The following RGS22 variants were observed in gnomAD, a reference collection of about 807,000 sequenced individuals.
RGS22 encodes regulator of G-protein signaling 22.
A neutral mutation model predicts 172.9 loss-of-function variants in RGS22; 148 were observed. That is an observed-to-expected ratio of 0.86 (90% CI 0.75 to 0.98). RGS22 has a LOEUF of 0.98. Among genes scored for constraint, RGS22 ranks in the 50% least tolerant of loss-of-function variants. The pLI is 0.00. For synonymous variants in RGS22, 458 were observed against 480.2 expected (o/e 0.95, Z 0.60); for missense variants, 1,347 against 1,440.8 (o/e 0.93, Z 1.05).
In RGS22 at chr8:100,052,837, G is replaced by A. The variant is rs2131703447; in HGVS notation, c.1654C>T (p.Pro552Ser). Reference sequence around the variant, plus strand: ...GGTATCTGTGGAATGCAAGATTTGGGTCTTAATGGCAAGAGGGTTGCCATT... The same window carrying A: ...GGTATCTGTGGAATGCAAGATTTGGATCTTAATGGCAAGAGGGTTGCCATT... ...PQMATLLPLRPKSCIPQIPEI... is the reference protein window; with the variant it reads ...PQMATLLPLRSKSCIPQIPEI... Residue 552 changes from proline to serine, a missense_variant, in exon 10 of 28, where the codon CCC (proline) becomes TCC (serine). Pro to Ser is a moderately conservative substitution (Grantham distance 74). Coordinates refer to ENST00000360863, the MANE Select transcript of RGS22 (RefSeq NM_015668.5). The A allele has an allele frequency of 6.2e-7, 1 of 1,614,096 alleles. No individual in the cohort carries two copies. Among genetic ancestry groups the A allele is most frequent in the East Asian group, 2.2e-5 (1 of 44,874 alleles).
At chr8:100,057,351 G>C (rs1011318530) in intron 9 of RGS22, among the ~76,000 whole-genome samples, 6 of 152,192 alleles carry the variant, frequency 3.9e-5, no homozygotes, top group Non-Finnish European at 7.4e-5. Flanking sequence ...AATGAGTTAA[G>C]ACTTTGGGGA....
intron 10 of RGS22, among the ~76,000 whole-genome samples, chr8:100,047,815 G>A (rs1325099823): frequency 1.3e-5 from 2 of 152,140 alleles, no homozygotes; most frequent in African/African-American, 4.8e-5. Context: ...AAAAAAGGAA[G>A]AGCAAAAGGC....
intron 14 of RGS22, among the ~76,000 whole-genome samples, chr8:100,037,005 T>C (rs1309481083): frequency 6.6e-6 from 1 of 152,198 alleles, no homozygotes; most frequent in Non-Finnish European, 1.5e-5. Flanking sequence ...ATATCTATTA[T>C]AAAGAAACGA....
intron 2 of RGS22, among the ~76,000 whole-genome samples, chr8:100,104,469 G>A (rs1316638069): frequency 6.6e-6 from 1 of 151,968 alleles, no homozygotes; most frequent in Non-Finnish European, 1.5e-5. Context: ...GTGTGTATGT[G>A]TGTATGTGTA....
At chr8:100,009,605 C>A (rs964632787) in intron 14 of RGS22, among the ~76,000 whole-genome samples, 1 of 151,688 alleles carries the variant, frequency 6.6e-6, no homozygotes, top group Non-Finnish European at 1.5e-5. Context: ...TATGTCATGC[C>A]CTGACATTTT....
chr8:100,009,939 A>G (rs537775088), intron 14 of RGS22, among the ~76,000 whole-genome samples: 28 of 152,336 alleles, frequency 1.8e-4, no homozygotes, highest in African/African-American at 6.7e-4. Context: ...ATGGAGATGA[A>G]TATCAATGGT....
At position 100,096,557 on chromosome 8, in the gene RGS22, A is replaced by T. The variant is rs575552767; in HGVS notation, c.55-3048T>A. Among the ~76,000 whole-genome samples, 11 of 150,746 alleles carry T rather than the reference A, an allele frequency of 7.3e-5. No homozygotes were observed. The East Asian group carries it at 1.6e-3, about 21-fold the overall frequency. On this transcript the variant is annotated intron_variant, in intron 2 of 27. Transcript: ENST00000360863. ...GTGCTTGCTAATTATGGTAGGTAAAATTTTTTGCTTAAACTTATTTTGCTG... is the reference window on the plus strand; with the variant it reads ...GTGCTTGCTAATTATGGTAGGTAAATTTTTTTGCTTAAACTTATTTTGCTG...
chr8:99,977,765 A>G (rs1468589868), intron 23 of RGS22, 152 bp downstream of exon 23: 1 of 586,764 alleles, frequency 1.7e-6, no homozygotes, highest in East Asian at 3.6e-5. Flanking sequence ...GAATTCCAAA[A>G]GTCTGAAGCT....
At chr8:99,974,568 G>A (rs1179232766) in intron 23 of RGS22, among the ~76,000 whole-genome samples, 1 of 152,140 alleles carries the variant, frequency 6.6e-6, no homozygotes, top group East Asian at 1.9e-4. Flanking sequence ...GGGAGGCCAA[G>A]GTGGGTGGAT....
At chr8:100,084,133 G>A (rs905249740) in intron 3 of RGS22, among the ~76,000 whole-genome samples, 1 of 152,050 alleles carries the variant, frequency 6.6e-6, no homozygotes, top group African/African-American at 2.4e-5. Context: ...CACCACGCCC[G>A]GCCACATAAT....
At chr8:100,097,772 C>T (rs1294741671) in intron 2 of RGS22, among the ~76,000 whole-genome samples, 3 of 152,328 alleles carry the variant, frequency 2.0e-5, no homozygotes, top group African/African-American at 2.4e-5. Flanking sequence ...GGACTGACCT[C>T]GGTTCACCGT....
chr8:100,024,142 T>G (rs912579351), intron 14 of RGS22: 7 of 152,206 alleles, frequency 4.6e-5, no homozygotes, highest in African/African-American at 1.4e-4. Context: ...AATTTTTGTA[T>G]TTTTAGTAGA....
chr8:100,039,026 TC>T lies in RGS22; in HGVS notation c.2070del (p.Trp690Ter). 1.3e-6 allele frequency: 2 copies of T among 1,591,078 alleles called. No individual in the cohort carries two copies. The highest frequency in any genetic ancestry group is 1.7e-6 in the Non-Finnish European group (2 of 1,163,126). On this transcript the variant is annotated frameshift_variant, in exon 14 of 28. Coordinates refer to ENST00000360863, the MANE Select transcript of RGS22 (RefSeq NM_015668.5). LOFTEE classifies it high-confidence loss of function. Reference sequence around the variant, plus strand: ...TCAAACCAAAAGTACACACTGTTCTTCCACAACTACAGATGGAAAAAGTACA... The same window carrying T: ...TCAAACCAAAAGTACACACTGTTCTTCACAACTACAGATGGAAAAAGTACA... ...KFCEHSGNKLWKNSVYFWFDL... is the reference protein window; with the variant it reads ...KFCEHSGNKLXKNSVYFWFDL...
Position 100,021,693 on chromosome 8 carries a change from A to G in RGS22, c.2167-13124T>C, listed in dbSNP as rs1303367124. On this transcript the variant is annotated intron_variant, in intron 14 of 27. Coordinates refer to ENST00000360863, the MANE Select transcript of RGS22 (RefSeq NM_015668.5). ...ATGTGATGGCAAATAGCAAAGTAAC[A>G]TGGGATCTGCTCAACTGGGCTCAAT... Among the ~76,000 whole-genome samples the G allele has an allele frequency of 3.3e-5, 5 of 152,136 alleles. No individual in the cohort carries two copies. In the East Asian group the frequency reaches 9.7e-4, roughly 29 times the overall value.
At position 99,962,996 on chromosome 8, in the gene RGS22, C is replaced by T; in HGVS notation, c.3616-18G>A. ...CAGGTTGGCTAAAAAAAGCAATTTTCAAAGTTAATTCTGAAATGTTTGCTT... is the reference window on the plus strand; with the variant it reads ...CAGGTTGGCTAAAAAAAGCAATTTTTAAAGTTAATTCTGAAATGTTTGCTT... On this transcript the variant is annotated intron_variant, in intron 24 of 27. Transcript: ENST00000360863. 6.5e-7 allele frequency: 1 copy of T among 1,543,136 alleles called. No individual in the cohort carries two copies. The highest frequency in any genetic ancestry group is 1.4e-5 in the African/African-American group (1 of 71,142).
At chr8:100,012,978 A>ATTTTTTTTTTTTTTTTTTTTTTTTT (rs35339430) in intron 14 of RGS22, among the ~76,000 whole-genome samples, 1 of 88,744 alleles carries the variant, frequency 1.1e-5, no homozygotes, top group Non-Finnish European at 2.1e-5. Flanking sequence ...AACGCCTTTG[A>ATTTTTTTTTTTTTTTTTTTTTTTTT]TTTTTTTTTT....
At chr8:100,094,263 G>T (rs1013057781) in intron 2 of RGS22, among the ~76,000 whole-genome samples, 2 of 152,112 alleles carry the variant, frequency 1.3e-5, no homozygotes, top group African/African-American at 4.8e-5. Context: ...GCATACTGTT[G>T]TATGGTACAT....
chr8:100,084,129 G>C (rs182725584), intron 3 of RGS22, among the ~76,000 whole-genome samples: 87 of 152,210 alleles, frequency 5.7e-4, no homozygotes, highest in Admixed American at 4.4e-3. Flanking sequence ...GAGCCACCAC[G>C]CCCGGCCACA....
At chr8:100,105,247 C>T (rs1424496416) in intron 2 of RGS22, 127 bp downstream of exon 2, 2 of 737,412 alleles carry the variant, frequency 2.7e-6, no homozygotes, top group East Asian at 5.0e-5. Context: ...ACAGTTATTA[C>T]AATTGTTACT....
Sources: gnomAD v4.1 joint callset for allele counts (sites outside exome capture counted in the v4.1 genomes callset) on GRCh38, gnomAD v4.1.1 for gene constraint, MANE v1.5 for transcripts, NCBI Gene and HGNC (gene_info 2026-07-23, HGNC 2026-07-21) for gene names.